Variants in SUGCT observed in about 807,000 individuals in gnomAD.
The protein encoded by SUGCT is succinyl-CoA:glutarate CoA-transferase.
In SUGCT, 41 loss-of-function variants were observed where a neutral mutation model predicts 55.0. The observed-to-expected ratio is 0.74, with a 90% CI of 0.58 to 0.97. SUGCT has a LOEUF of 0.97. Ranked by LOEUF, SUGCT falls within the 50% of genes least tolerant of loss-of-function variation. SUGCT has a pLI of 0.00. For missense variants in SUGCT, 568 were observed against 547.8 expected, an observed-to-expected ratio of 1.04 and a Z score of -0.37; for synonymous variants, 187 against 200.4, an observed-to-expected ratio of 0.93 and a Z score of 0.56.
At chr7:40,203,091 CTT>C (rs1271086657) in intron 6 of SUGCT, among the ~76,000 whole-genome samples, 3 of 152,162 alleles carry the variant, frequency 2.0e-5, no homozygotes, top group African/African-American at 2.4e-5. Context: ...GGAAGTCTCT[CTT>C]GTGTGGCTTA....
At chr7:40,994,641 T>A in the SUGCT span, among the ~76,000 whole-genome samples, 1 of 152,162 alleles carries the variant, frequency 6.6e-6, no homozygotes, top group African/African-American at 2.4e-5. Flanking sequence ...TTAGTCCATG[T>A]GGTCTGCTAA....
the SUGCT span, among the ~76,000 whole-genome samples, chr7:40,916,022 A>G: frequency 9.2e-6 from 1 of 108,348 alleles, no homozygotes; most frequent in Non-Finnish European, 1.8e-5. Context: ...AGTATATTAT[A>G]TATGTCATAT....
At chr7:40,226,054 G>C (rs1287863546) in intron 6 of SUGCT, among the ~76,000 whole-genome samples, 1 of 152,086 alleles carries the variant, frequency 6.6e-6, no homozygotes, top group African/African-American at 2.4e-5. Context: ...TGACCTTATG[G>C]AGTCTTTGGG....
At chr7:40,710,677 A>G (rs984520365) in intron 12 of SUGCT, among the ~76,000 whole-genome samples, 1 of 152,216 alleles carries the variant, frequency 6.6e-6, no homozygotes, top group Non-Finnish European at 1.5e-5. Flanking sequence ...AGTCTAGGAA[A>G]AAAAGAGATG....
In SUGCT at chr7:40,561,881, G is replaced by A. The variant is rs1304371978; in HGVS notation, c.1089+65495G>A. Among the ~76,000 whole-genome samples, 4 of 150,754 alleles carry A rather than the reference G, an allele frequency of 2.7e-5. 1 individual carries two copies. In the South Asian group the frequency reaches 6.3e-4, roughly 24 times the overall value. On this transcript the variant is annotated intron_variant, in intron 12 of 13. Transcript: ENST00000335693. ...TAATTTTTGTATTTTTAGAAGAGACGGGGTTTCACCATGTTGGTCAGGCTG... is the reference window on the plus strand; with the variant it reads ...TAATTTTTGTATTTTTAGAAGAGACAGGGTTTCACCATGTTGGTCAGGCTG...
intron 12 of SUGCT, among the ~76,000 whole-genome samples, chr7:40,646,165 A>G (rs950011793): frequency 6.6e-5 from 10 of 152,270 alleles, no homozygotes; most frequent in South Asian, 6.2e-4. Context: ...TCTTCCCCAC[A>G]TATAATATAA....
At chr7:40,530,088 G>C (rs1175404726) in intron 12 of SUGCT, among the ~76,000 whole-genome samples, 2 of 152,126 alleles carry the variant, frequency 1.3e-5, no homozygotes, top group East Asian at 3.9e-4. Context: ...TCTGCCTGCA[G>C]TCTGCCTTTC....
intron 13 of SUGCT, among the ~76,000 whole-genome samples, chr7:40,836,359 C>T (rs1792975155): frequency 6.6e-6 from 1 of 152,134 alleles, no homozygotes; most frequent in Non-Finnish European, 1.5e-5. Flanking sequence ...ATTATCTGTT[C>T]ACTTGATTTG....
the SUGCT span, among the ~76,000 whole-genome samples, chr7:41,022,995 G>A: frequency 1.3e-5 from 2 of 152,162 alleles, no homozygotes; most frequent in South Asian, 4.2e-4. Flanking sequence ...CTTCATCCTG[G>A]ACTCATGATT....
At chr7:40,634,231 C>A (rs1047746781) in intron 12 of SUGCT, among the ~76,000 whole-genome samples, 1 of 152,194 alleles carries the variant, frequency 6.6e-6, no homozygotes, top group Admixed American at 6.5e-5. Context: ...AAACACATGG[C>A]GAGCTGGCGC....
At chr7:40,253,815 C>T (rs1310142493) in intron 7 of SUGCT, among the ~76,000 whole-genome samples, 1 of 152,224 alleles carries the variant, frequency 6.6e-6, no homozygotes, top group Non-Finnish European at 1.5e-5. Flanking sequence ...GCCACTGCAC[C>T]CGGCCTACAT....
chr7:40,333,265 A>C (rs1185094504), intron 9 of SUGCT, among the ~76,000 whole-genome samples: 6 of 152,278 alleles, frequency 3.9e-5, no homozygotes, highest in African/African-American at 1.4e-4. Flanking sequence ...GAAAACAGTA[A>C]AGAAAATGTA....
At chr7:40,202,495 C>T (rs73687514) in intron 6 of SUGCT, among the ~76,000 whole-genome samples, 9,870 of 152,088 alleles carry the variant, frequency 0.065, 1,000 homozygotes, top group African/African-American at 0.22. Context: ...CTATGTGTTT[C>T]GGAAGAGCCT....
intron 7 of SUGCT, among the ~76,000 whole-genome samples, chr7:40,268,094 CA>C (rs1791725937): frequency 6.6e-6 from 1 of 152,126 alleles, no homozygotes; most frequent in Admixed American, 6.5e-5. Context: ...AAAAATACAA[CA>C]GCTTTATGGA....
intron 12 of SUGCT, among the ~76,000 whole-genome samples, chr7:40,674,950 G>A (rs1307019266): frequency 6.6e-6 from 1 of 151,930 alleles, no homozygotes; most frequent in African/African-American, 2.4e-5. Flanking sequence ...CTACTTAGAA[G>A]GTGGAGTAAG....
chr7:40,331,583 C>T (rs1390743769), intron 9 of SUGCT, among the ~76,000 whole-genome samples: 1 of 123,432 alleles, frequency 8.1e-6, no homozygotes, highest in Non-Finnish European at 1.7e-5. Context: ...TACACGAGCT[C>T]AGAGACCGCA....
chr7:40,694,236 C>T (rs888669288), intron 12 of SUGCT, among the ~76,000 whole-genome samples: 19 of 152,160 alleles, frequency 1.2e-4, no homozygotes, highest in African/African-American at 3.9e-4. Context: ...AACTTGTTTC[C>T]GTTGTGCGAA....
chr7:40,420,843 TA>T (rs1787270728), intron 9 of SUGCT, among the ~76,000 whole-genome samples: 1 of 152,072 alleles, frequency 6.6e-6, no homozygotes, highest in South Asian at 2.1e-4. Flanking sequence ...ACTATATATA[TA>T]CTTTCTTGAA....
Position 40,310,089 on chromosome 7 carries a change from G to T in SUGCT, c.721-6671G>T, listed in dbSNP as rs920484685. Among the ~76,000 whole-genome samples, 4 of 152,252 alleles carry T rather than the reference G, an allele frequency of 2.6e-5. No individual in the cohort carries two copies. The East Asian group carries it at 7.7e-4, about 29-fold the overall frequency. On this transcript the variant is annotated intron_variant, in intron 8 of 13. Transcript: ENST00000335693. ...TCTTCCAAAGAGTACTGTATGGAAA[G>T]GGGGAGGAAAAAAGAGTAATCTTAC...
Sources: gnomAD v4.1 joint callset for allele counts (sites outside exome capture counted in the v4.1 genomes callset) on GRCh38, gnomAD v4.1.1 for gene constraint, MANE v1.5 for transcripts, NCBI Gene and HGNC (gene_info 2026-07-23, HGNC 2026-07-21) for gene names.